SLF1: variants seen among roughly 807,000 people sequenced by gnomAD.
SLF1 encodes the protein SMC5/6 complex localization factor 1.
Under a neutral mutation model 123.0 loss-of-function variants are expected in SLF1, and 105 were observed. That is an observed-to-expected ratio of 0.85 (90% CI 0.73 to 1.00). The LOEUF is 1.00. Among genes scored for constraint, SLF1 ranks in the 50% least tolerant of loss-of-function variants. The probability of loss-of-function intolerance (pLI) is 0.00; values close to 1 mark genes in which losing one functional copy is unlikely to be tolerated. For synonymous variants in SLF1, 434 were observed against 406.6 expected (o/e 1.07, Z -0.81); for missense variants, 1,239 against 1,223.0 (o/e 1.01, Z -0.20).
At chr5:94,640,680 A>T (rs112056012) in intron 4 of SLF1, among the ~76,000 whole-genome samples, 5 of 152,240 alleles carry the variant, frequency 3.3e-5, no homozygotes, top group African/African-American at 4.8e-5. Flanking sequence ...TTAAAAAAAA[A>T]TTTTTAGTTG....
At chr5:94,680,393 ACATT>A in intron 15 of SLF1, among the ~76,000 whole-genome samples, 1 of 152,266 alleles carries the variant, frequency 6.6e-6, no homozygotes, top group Non-Finnish European at 1.5e-5. Flanking sequence ...TTCTTAGCTA[ACATT>A]CAATCTTCCT....
At chr5:94,625,992 C>T (rs533911224) in intron 1 of SLF1, among the ~76,000 whole-genome samples, 83 of 152,088 alleles carry the variant, frequency 5.5e-4, no homozygotes, top group Admixed American at 9.8e-4. Context: ...CGGTGGCTCA[C>T]GCTTGTAATC....
At chr5:94,627,208 T>C (rs1195538125) in intron 1 of SLF1, among the ~76,000 whole-genome samples, 7 of 152,200 alleles carry the variant, frequency 4.6e-5, no homozygotes, top group Admixed American at 3.9e-4. Context: ...TCTTTAATTA[T>C]TGAAAACAGC....
At chr5:94,654,525 A>G in intron 8 of SLF1, 105 bp from the exon 9 acceptor site, 1 of 796,988 alleles carries the variant, frequency 1.3e-6, no homozygotes, top group Non-Finnish European at 1.7e-6. Context: ...TGCTGTGGTT[A>G]ACATGGTATG....
At chr5:94,651,919 TA>T in intron 7 of SLF1, 74 bp downstream of exon 7, 1 of 749,568 alleles carries the variant, frequency 1.3e-6, no homozygotes, top group East Asian at 3.9e-5. Flanking sequence ...CTTTAGCTTT[TA>T]AAAAATATAT....
Position 94,692,034 on chromosome 5 carries a change from A to G in SLF1, c.2513-40A>G, listed in dbSNP as rs777712754. On this transcript the variant is annotated intron_variant, in intron 19 of 20. Transcript: ENST00000265140. ...TCAGTACTTTTCTACCAAAAGTCCT[A>G]CTTCTGCTGTTTTAAAACTTGCCTT... 6 of 1,597,940 alleles carry G rather than the reference A, an allele frequency of 3.8e-6. No homozygotes were observed. The Admixed American group carries it at 5.1e-5, about 14-fold the overall frequency.
chr5:94,631,123 T>C (rs1745152163), intron 4 of SLF1, among the ~76,000 whole-genome samples: 1 of 152,230 alleles, frequency 6.6e-6, no homozygotes, highest in South Asian at 2.1e-4. Context: ...TTATTCATAC[T>C]GTTTTCATCA....
intron 5 of SLF1, among the ~76,000 whole-genome samples, chr5:94,645,212 C>T (rs886515961): frequency 2.0e-5 from 3 of 152,156 alleles, no homozygotes; most frequent in Non-Finnish European, 4.4e-5. Context: ...GGGCTGACTC[C>T]TGCTAGTTAT....
intron 20 of SLF1, among the ~76,000 whole-genome samples, chr5:94,693,566 G>A (rs776768846): frequency 2.6e-5 from 4 of 152,008 alleles, no homozygotes; most frequent in Admixed American, 6.6e-5. Flanking sequence ...TTTGGCAGTC[G>A]TACAGACTTG....
intron 15 of SLF1, among the ~76,000 whole-genome samples, chr5:94,684,270 AT>A (rs781548778): frequency 2.6e-5 from 4 of 152,198 alleles, no homozygotes; most frequent in Non-Finnish European, 5.9e-5. Context: ...ATAATTAGAG[AT>A]TAAATGTTCA....
intron 3 of SLF1, chr5:94,629,778 G>A (rs1745001835): frequency 6.6e-6 from 1 of 152,168 alleles, no homozygotes; most frequent in Non-Finnish European, 1.5e-5. Context: ...GAAAACACTT[G>A]CATTCGTTTT....
intron 4 of SLF1, among the ~76,000 whole-genome samples, chr5:94,640,554 C>T (rs1746328908): frequency 6.6e-6 from 1 of 152,044 alleles, no homozygotes; most frequent in Non-Finnish European, 1.5e-5. Context: ...ATATGATACT[C>T]TCCAGCCATT....
chr5:94,634,703 A>G (rs965663191), intron 4 of SLF1, among the ~76,000 whole-genome samples: 6 of 152,176 alleles, frequency 3.9e-5, no homozygotes, highest in Non-Finnish European at 4.4e-5. Flanking sequence ...AGGGAATACC[A>G]GGGCTCCCTT....
Position 94,695,141 on chromosome 5 carries a change from T to G in SLF1, c.3006T>G (p.Val1002=), listed in dbSNP as rs373081417. Residue 1002 remains valine, a synonymous_variant, in exon 21 of 21, where the codon GTT becomes GTG. Coordinates refer to ENST00000265140, the MANE Select transcript of SLF1 (RefSeq NM_032290.4). ...ACKSHKETTS[V]HTDWLLDLYA... ...AAAGTCATAAAGAAACCACCAGTGT[T>G]CATACTGACTGGTTACTGGATCTTT... 3.1e-6 allele frequency: 5 copies of G among 1,612,630 alleles called. No individual in the cohort carries two copies. The highest frequency in any genetic ancestry group is 4.2e-6 in the Non-Finnish European group (5 of 1,179,142).
chr5:94,662,751 T>TAAAC (rs144745234), intron 10 of SLF1, among the ~76,000 whole-genome samples: 33,831 of 152,106 alleles, frequency 0.22, 3,879 homozygotes, highest in East Asian at 0.34. Flanking sequence ...CAGAACAAAA[T>TAAAC]AAACCTACAA....
chr5:94,650,599 C>T (rs1281528857), intron 6 of SLF1, among the ~76,000 whole-genome samples: 1 of 152,064 alleles, frequency 6.6e-6, no homozygotes, highest in Non-Finnish European at 1.5e-5. Flanking sequence ...CTCCTGACCT[C>T]GTGATCCGCC....
At chr5:94,637,342 T>C (rs1007372307) in intron 4 of SLF1, among the ~76,000 whole-genome samples, 11 of 152,054 alleles carry the variant, frequency 7.2e-5, no homozygotes, top group Admixed American at 7.2e-4. Context: ...TTGCATTGAT[T>C]TTGGAGAGGG....
At chr5:94,630,131 A>T (rs1745044266) in intron 3 of SLF1, among the ~76,000 whole-genome samples, 1 of 152,232 alleles carries the variant, frequency 6.6e-6, no homozygotes, top group Admixed American at 6.5e-5. Context: ...GTGAATAATG[A>T]TAGTAATAAT....
chr5:94,686,986 G>A (rs540222105), intron 16 of SLF1, among the ~76,000 whole-genome samples: 60 of 152,006 alleles, frequency 3.9e-4, no homozygotes, highest in Admixed American at 1.4e-3. Context: ...ACGGGGTCTC[G>A]ATCTCCTGAC....
Sources: gnomAD v4.1 joint callset for allele counts (sites outside exome capture counted in the v4.1 genomes callset) on GRCh38, gnomAD v4.1.1 for gene constraint, MANE v1.5 for transcripts, NCBI Gene and HGNC (gene_info 2026-07-23, HGNC 2026-07-21) for gene names.